Variants in RGS14 observed in about 807,000 individuals in gnomAD.
The protein encoded by RGS14 is regulator of G protein signaling 14.
In RGS14, 33 loss-of-function variants were observed where a neutral mutation model predicts 63.8. The observed-to-expected ratio is 0.52, with a 90% CI of 0.39 to 0.69. The LOEUF is 0.69. RGS14 is among the 30% of genes least tolerant of loss of function. The pLI is 0.00. For synonymous variants in RGS14, 296 were observed against 320.9 expected (o/e 0.92, Z 0.83); for missense variants, 739 against 742.9 (o/e 0.99, Z 0.06).
At chr5:177,369,061 C>T in intron 9 of RGS14, 141 bp downstream of exon 9, 2 of 748,096 alleles carry the variant, frequency 2.7e-6, no homozygotes, top group South Asian at 3.4e-5. Flanking sequence ...CCAACTTTCA[C>T]TCACTCAGAC....
chr5:177,368,611 G>A, intron 8 of RGS14, 106 bp from the exon 9 acceptor site: 2 of 1,123,318 alleles, frequency 1.8e-6, no homozygotes, highest in Non-Finnish European at 2.6e-6. Flanking sequence ...TGCCTTGGGA[G>A]TGCGTGTGCA....
chr5:177,368,019 G>A, intron 7 of RGS14, 138 bp from the exon 8 acceptor site: 2 of 1,459,980 alleles, frequency 1.4e-6, no homozygotes, highest in Non-Finnish European at 1.8e-6. Flanking sequence ...AATCTCCAAC[G>A]GTGGTGTCGC....
chr5:177,366,679 T>A, intron 3 of RGS14, 29 bp from the exon 4 acceptor site: 1 of 1,608,024 alleles, frequency 6.2e-7, no homozygotes, highest in Non-Finnish European at 8.5e-7. Flanking sequence ...TCTGAGTCTC[T>A]GCCTGCCTCC....
In RGS14 at chr5:177,372,359, G is replaced by T; in HGVS notation, c.*284G>T. The T allele has an allele frequency of 5.1e-6, 2 of 391,592 alleles. No individual in the cohort carries two copies. Among genetic ancestry groups the T allele is most frequent in the Non-Finnish European group, 9.2e-6 (2 of 217,992 alleles). The allele number at this position is 391,592 out of a possible 1,614,324, so 24.3% of individuals were successfully genotyped here. A position where few individuals can be genotyped will look rare whatever the true frequency, so the allele number is the denominator to read the frequency against. ...TGGAACAGGCTTGCCCAACATGGAG[G>T]GATGGCGTTGGCAGTGCCAGCCTCC... On this transcript the variant is annotated 3_prime_UTR_variant, in exon 15 of 15. Coordinates refer to ENST00000408923, the MANE Select transcript of RGS14 (RefSeq NM_006480.5).
In RGS14 at chr5:177,358,111, G is replaced by T; in HGVS notation, c.45+42G>T. 1.5e-6 allele frequency: 2 copies of T among 1,313,208 alleles called. No homozygotes were observed. Among genetic ancestry groups the T allele is most frequent in the East Asian group, 3.0e-5 (1 of 33,402 alleles). 81.3% of individuals were successfully genotyped at this position (1,313,208 alleles called of 1,614,324 possible). A position where few individuals can be genotyped will look rare whatever the true frequency, so the allele number is the denominator to read the frequency against. On this transcript the variant is annotated intron_variant, in intron 1 of 14. Transcript: ENST00000408923. This position sits in a 1 kb window ranked among gnomAD's most constrained non-coding sequence, Gnocchi z 4.8. ...GGCCAGGGCCACGAGGAGGGGGTGGGCACACCCAGGGTGGAGCCCAGGAGG... is the reference window on the plus strand; with the variant it reads ...GGCCAGGGCCACGAGGAGGGGGTGGTCACACCCAGGGTGGAGCCCAGGAGG...
At chr5:177,366,539 A>AT in intron 3 of RGS14, 169 bp from the exon 4 acceptor site, 2 of 799,290 alleles carry the variant, frequency 2.5e-6, no homozygotes. Context: ...TCTGCCTCTC[A>AT]TTTTCTCTCC....
intron 9 of RGS14, 163 bp from the exon 10 acceptor site, chr5:177,370,428 G>A (rs1284044355): frequency 1.1e-5 from 7 of 616,732 alleles, no homozygotes; most frequent in Non-Finnish European, 2.0e-5. Flanking sequence ...ACTCCAGCTT[G>A]GTACCTTAAC....
In RGS14 at chr5:177,367,796, G is replaced by T; in HGVS notation, c.710G>T (p.Gly237Val). Residue 237 changes from glycine (G) to valine (V), a missense_variant, in exon 7 of 15, where the codon GGC becomes GTC. Gly to Val is a moderately radical substitution (Grantham distance 109). Coordinates refer to ENST00000408923, the MANE Select transcript of RGS14 (RefSeq NM_006480.5). ...CTGCCACCCGTTGAGGGTCCTGGGG[G>T]CCGCCCTCTCCGCAAGTCCTTCCGC... ...GQLPPVEGPG[G>V]RPLRKSFRRE... The T allele has an allele frequency of 6.2e-7, 1 of 1,606,188 alleles. No homozygotes were observed. Among genetic ancestry groups the T allele is most frequent in the South Asian group, 1.1e-5 (1 of 90,200 alleles).
chr5:177,371,142 G>C lies in RGS14; in HGVS notation c.1255-23G>C, dbSNP rs1411241082. The C allele has an allele frequency of 3.1e-5, 49 of 1,602,582 alleles. No homozygotes were observed. The highest frequency in any genetic ancestry group is 1.8e-4 in the Middle Eastern group (1 of 5,526). The stretch of plus-strand genomic sequence containing the variant: ...GGGGCCGGGCGGAGGCCTGTACCGC[G>C]GGCTGCTGACCTCTCCCCACAGCCA... On this transcript the variant is annotated intron_variant, in intron 11 of 14. Coordinates refer to ENST00000408923, the MANE Select transcript of RGS14 (RefSeq NM_006480.5). This position sits in a 1 kb window ranked among gnomAD's most constrained non-coding sequence, Gnocchi z 6.1.
chr5:177,360,710 G>A (rs1001100949), intron 1 of RGS14, among the ~76,000 whole-genome samples: 9 of 151,670 alleles, frequency 5.9e-5, no homozygotes, highest in East Asian at 3.9e-4. Flanking sequence ...CCAAGAGATC[G>A]AGACCATCCT....
At chr5:177,368,550 A>G (rs1240380895) in intron 8 of RGS14, among the ~76,000 whole-genome samples, 167 bp from the exon 9 acceptor site, 1 of 152,238 alleles carries the variant, frequency 6.6e-6, no homozygotes, top group Non-Finnish European at 1.5e-5. Flanking sequence ...CTAGGTGCCC[A>G]TATGCCTGGG....
intron 6 of RGS14, 26 bp from the exon 7 acceptor site, chr5:177,367,688 T>G (rs1002228361): frequency 1.2e-6 from 2 of 1,603,652 alleles, no homozygotes; most frequent in African/African-American, 1.3e-5. Flanking sequence ...CCCAGCCCGG[T>G]GCCAGCGCCT....
chr5:177,367,147 G>T, intron 5 of RGS14, 113 bp downstream of exon 5: 1 of 1,385,648 alleles, frequency 7.2e-7, no homozygotes. Flanking sequence ...TTTGGAGGCG[G>T]AGACAGAGCC....
At chr5:177,367,210 GAA>G in intron 5 of RGS14, 176 bp downstream of exon 5, 1 of 1,101,918 alleles carries the variant, frequency 9.1e-7, no homozygotes, top group Non-Finnish European at 1.3e-6. Flanking sequence ...GAGGCACGGG[GAA>G]GGACAGTTAG....
rs1438557110 is a variant in RGS14, at chr5:177,366,223, C to T, written c.114C>T (p.Gly38=). 6.3e-7 allele frequency: 1 copy of T among 1,599,830 alleles called. No homozygotes were observed. Among genetic ancestry groups the T allele is most frequent in the Admixed American group, 1.7e-5 (1 of 58,470 alleles). ...CCCAGGGCCAGGGCGAGGGCCGCGG[C>T]AGCTCTCTCAGCATCCACAGCCTCC... The part of the protein sequence containing the change: ...TGPQGQGEGR[G]SSLSIHSLPS... Residue 38 remains glycine (G), a synonymous_variant, in exon 3 of 15, where the codon GGC becomes GGT. Transcript: ENST00000408923.
intron 1 of RGS14, among the ~76,000 whole-genome samples, chr5:177,363,096 C>CG (rs1013235429): frequency 6.6e-6 from 1 of 152,000 alleles, no homozygotes; most frequent in African/African-American, 2.4e-5. Context: ...GCGGTGCAGC[C>CG]GGGGGAGGAG....
At chr5:177,366,488 C>A in intron 3 of RGS14, 133 bp downstream of exon 3, 1 of 895,384 alleles carries the variant, frequency 1.1e-6, no homozygotes, top group Non-Finnish European at 1.7e-6. Flanking sequence ...TCTTCCTCTT[C>A]TCCCAGCTGG....
chr5:177,359,739 G>A lies in RGS14; in HGVS notation c.45+1670G>A, dbSNP rs1056866726. On this transcript the variant is annotated intron_variant, in intron 1 of 14. Transcript: ENST00000408923. This position sits in a 1 kb window ranked among gnomAD's most constrained non-coding sequence, Gnocchi z 4.4. ...GAGGGTCACAGATTGGCTGCCTGCT[G>A]GTCACTGAGTAGCTTCCCGTGGCCC... 5.3e-5 allele frequency among the ~76,000 whole-genome samples: 8 copies of A among 152,346 alleles called. No homozygotes were observed. Among genetic ancestry groups the A allele is most frequent in the African/African-American group, 1.7e-4 (7 of 41,576 alleles).
chr5:177,365,060 G>A lies in RGS14; in HGVS notation c.46-903G>A, dbSNP rs116746273. On this transcript the variant is annotated intron_variant, in intron 1 of 14. Coordinates refer to ENST00000408923, the MANE Select transcript of RGS14 (RefSeq NM_006480.5). The stretch of plus-strand genomic sequence containing the variant: ...TCCCACGGTGGTAATGGGACCCTGG[G>A]CCCAATAGGCAACACGTGCGATAGT... Among the ~76,000 whole-genome samples, 563 of 152,206 alleles carry A rather than the reference G, an allele frequency of 3.7e-3. 3 individuals carry two copies. The highest frequency in any genetic ancestry group is 0.013 in the African/African-American group (549 of 41,522).
Sources: allele counts gnomAD v4.1 joint callset (sites outside exome capture counted in the v4.1 genomes callset), GRCh38; gene constraint gnomAD v4.1.1; non-coding constraint Gnocchi (gnomAD v3.1); transcripts MANE v1.5; gene names NCBI Gene and HGNC (gene_info 2026-07-23, HGNC 2026-07-21).